Variants in GABRG3 observed in about 807,000 individuals in gnomAD.
GABRG3 encodes gamma-aminobutyric acid type A receptor subunit gamma3, also known as gamma-aminobutyric acid receptor subunit gamma-3.
GABRG3 carries 25 observed loss-of-function variants against 48.8 expected under a neutral mutation model. That is an observed-to-expected ratio of 0.51 (90% CI 0.37 to 0.72). The LOEUF (loss-of-function observed/expected upper bound fraction) is 0.72. Among genes scored for constraint, GABRG3 ranks in the 30% least tolerant of loss-of-function variants. The pLI, the probability that GABRG3 is intolerant of heterozygous loss-of-function variation, is 0.00. For missense variants in GABRG3, 394 were observed against 577.9 expected, an observed-to-expected ratio of 0.68 and a Z score of 3.26; for synonymous variants, 227 against 217.6, an observed-to-expected ratio of 1.04 and a Z score of -0.38.
At chr15:27,256,171 G>A (rs1595617010) in intron 3 of GABRG3, among the ~76,000 whole-genome samples, 1 of 152,130 alleles carries the variant, frequency 6.6e-6, no homozygotes, top group East Asian at 1.9e-4. Flanking sequence ...GGCCGGGTGT[G>A]GTGGCTCATG....
At position 27,049,494 on chromosome 15, in the gene GABRG3, C is replaced by A. The variant is rs377506750; in HGVS notation, c.270+22673C>A. ...CTTCCCAGCAGCCTTACCAATCACT[C>A]CCCTGAGCTGAGGACCGACCATAGA... On this transcript the variant is annotated intron_variant, in intron 3 of 9. Coordinates refer to ENST00000615808, the MANE Select transcript of GABRG3 (RefSeq NM_033223.5). Among the ~76,000 whole-genome samples, 4 of 152,272 alleles carry A rather than the reference C, an allele frequency of 2.6e-5. No individual in the cohort carries two copies. The East Asian group carries it at 7.7e-4, about 29-fold the overall frequency.
intron 3 of GABRG3, among the ~76,000 whole-genome samples, chr15:27,148,572 C>G (rs1346281299): frequency 6.6e-6 from 1 of 151,884 alleles, no homozygotes; most frequent in Non-Finnish European, 1.5e-5. Context: ...ACACCTCATA[C>G]AAATATACAA....
chr15:27,309,103 G>C (rs1260602528), intron 3 of GABRG3, among the ~76,000 whole-genome samples: 1 of 150,298 alleles, frequency 6.7e-6, no homozygotes, highest in African/African-American at 2.4e-5. Flanking sequence ...TGTAAACACA[G>C]ATGTTTATAT....
At position 27,480,761 on chromosome 15, in the gene GABRG3, C is replaced by T. The variant is rs1475351398; in HGVS notation, c.686C>T (p.Thr229Ile). The change falls in exon 6 of 10, where the codon ACC becomes ATC. Residue 229 changes from threonine (T) to isoleucine (I), a missense_variant. By Grantham distance (89) the Thr-to-Ile change is moderately conservative. Coordinates refer to ENST00000615808, the MANE Select transcript of GABRG3 (RefSeq NM_033223.5). ...YQFDFMGLRN[T>I]TEIVTTSAGD... ...TTTGACTTCATGGGCCTCAGAAACA[C>T]CACAGAAATCGTGACAACGTCTGCA... is the stretch of plus-strand genomic sequence containing the variant. 1.9e-6 allele frequency: 3 copies of T among 1,613,672 alleles called. No individual in the cohort carries two copies. Among genetic ancestry groups the T allele is most frequent in the East Asian group, 4.5e-5 (2 of 44,868 alleles).
In GABRG3 at chr15:27,307,986, TAA is replaced by T. The variant is rs572060556; in HGVS notation, c.271-18821_271-18820del. 6.1e-3 allele frequency among the ~76,000 whole-genome samples: 838 copies of T among 137,636 alleles called. 29 individuals carry two copies. Among genetic ancestry groups the T allele is most frequent in the African/African-American group, 0.021 (803 of 37,480 alleles). 90.3% of individuals were successfully genotyped at this position (137,636 alleles called of 152,430 possible). On this transcript the variant is annotated intron_variant, in intron 3 of 9. Transcript: ENST00000615808. ...TGTTTATATATAAACATATATAAAA[TAA>T]ACATATACGTTTATAATAAACGTAT...
intron 3 of GABRG3, among the ~76,000 whole-genome samples, chr15:27,248,752 T>C (rs544881768): frequency 8.5e-5 from 12 of 141,894 alleles, no homozygotes; most frequent in African/African-American, 2.5e-4. Flanking sequence ...TGGAAGAGTT[T>C]TAGGTGAGAA....
intron 3 of GABRG3, among the ~76,000 whole-genome samples, chr15:27,285,406 T>TC (rs1225874462): frequency 6.6e-6 from 1 of 151,886 alleles, no homozygotes; most frequent in Non-Finnish European, 1.5e-5. Context: ...GAAAAGTCAT[T>TC]CAACTCCCCT....
intron 2 of GABRG3, among the ~76,000 whole-genome samples, chr15:26,994,606 T>G (rs1354603197): frequency 6.6e-6 from 1 of 152,060 alleles, no homozygotes; most frequent in Non-Finnish European, 1.5e-5. Context: ...TCTTTCTATT[T>G]AAGAGCAAGA....
chr15:27,160,162 A>G (rs910639312), intron 3 of GABRG3, among the ~76,000 whole-genome samples: 8 of 152,170 alleles, frequency 5.3e-5, no homozygotes, highest in African/African-American at 1.7e-4. Flanking sequence ...TTCTCCAGGA[A>G]TCTTCTGAGG....
chr15:27,225,652 C>T (rs951804351), intron 3 of GABRG3, among the ~76,000 whole-genome samples: 2 of 152,138 alleles, frequency 1.3e-5, no homozygotes, highest in Non-Finnish European at 2.9e-5. Context: ...TACCCACCAC[C>T]AGGCTATTGA....
intron 3 of GABRG3, among the ~76,000 whole-genome samples, chr15:27,117,539 A>C (rs1011755845): frequency 6.6e-6 from 1 of 152,156 alleles, no homozygotes; most frequent in Non-Finnish European, 1.5e-5. Flanking sequence ...AACAAATAAA[A>C]TATGTTTTCA....
At chr15:27,528,122 A>G (rs1891326067) in intron 9 of GABRG3, 130 bp downstream of exon 9, 1 of 708,636 alleles carries the variant, frequency 1.4e-6, no homozygotes, top group Non-Finnish European at 2.4e-6. Context: ...GCTGACTTCA[A>G]AAATGTGTTT....
chr15:27,342,202 T>C (rs756581883), intron 5 of GABRG3, among the ~76,000 whole-genome samples: 7 of 152,226 alleles, frequency 4.6e-5, no homozygotes, highest in Non-Finnish European at 8.8e-5. Context: ...TGTGCATGTG[T>C]TTCCTGCTGA....
chr15:27,039,783 C>T (rs550901575), intron 3 of GABRG3, among the ~76,000 whole-genome samples: 33 of 152,306 alleles, frequency 2.2e-4, no homozygotes, highest in African/African-American at 7.2e-4. Flanking sequence ...CAGACCCTGT[C>T]GGTGTGCAGG....
chr15:27,401,476 C>T (rs542289796), intron 5 of GABRG3, among the ~76,000 whole-genome samples: 1 of 152,170 alleles, frequency 6.6e-6, no homozygotes, highest in South Asian at 2.1e-4. Flanking sequence ...AATGTGTGAA[C>T]TTTTTCAATG....
intron 3 of GABRG3, among the ~76,000 whole-genome samples, chr15:27,254,103 A>G (rs1890540462): frequency 6.6e-6 from 1 of 152,098 alleles, no homozygotes; most frequent in African/African-American, 2.4e-5. Context: ...GTTTTTCTGT[A>G]GTTTTTGGAT....
chr15:27,501,770 G>C (rs2150854468), intron 6 of GABRG3, among the ~76,000 whole-genome samples: 1 of 152,240 alleles, frequency 6.6e-6, no homozygotes, highest in South Asian at 2.1e-4. Context: ...TTGGTTGTGT[G>C]CAAGCACCTT....
intron 3 of GABRG3, among the ~76,000 whole-genome samples, chr15:27,120,021 A>T (rs1897704540): frequency 6.6e-6 from 1 of 152,190 alleles, no homozygotes; most frequent in African/African-American, 2.4e-5. Context: ...GGATTAACCG[A>T]ATGTGTGAAC....
chr15:27,419,089 T>C (rs953345592), intron 5 of GABRG3: 1 of 152,242 alleles, frequency 6.6e-6, no homozygotes, highest in African/African-American at 2.4e-5. Context: ...AATTCACTTT[T>C]CAACTGCCAC....
Sources: allele counts gnomAD v4.1 joint callset (sites outside exome capture counted in the v4.1 genomes callset), GRCh38; gene constraint gnomAD v4.1.1; transcripts MANE v1.5; gene names NCBI Gene and HGNC (gene_info 2026-07-23, HGNC 2026-07-21).